Variants in DACH1 observed in about 807,000 individuals in gnomAD.
The protein encoded by DACH1 is dachshund family transcription factor 1, also known as dachshund homolog 1.
DACH1 carries 12 observed loss-of-function variants against 54.2 expected under a neutral mutation model. The observed-to-expected ratio is 0.22, with a 90% CI of 0.14 to 0.36. DACH1 has a LOEUF of 0.36. Among genes scored for constraint, DACH1 ranks in the 10% least tolerant of loss-of-function variants. DACH1 has a pLI of 1.00. For synonymous variants in DACH1, 386 were observed against 366.2 expected (o/e 1.05, Z -0.62); for missense variants, 805 against 929.8 (o/e 0.87, Z 1.75).
intron 6 of DACH1, among the ~76,000 whole-genome samples, chr13:71,530,237 C>T (rs1882322379): frequency 6.6e-6 from 1 of 152,084 alleles, no homozygotes; most frequent in Non-Finnish European, 1.5e-5. Context: ...CATGGAACCA[C>T]AAATAAGGCT....
chr13:71,553,093 T>A (rs555376613), intron 6 of DACH1, among the ~76,000 whole-genome samples: 1 of 143,936 alleles, frequency 6.9e-6, no homozygotes, highest in African/African-American at 2.6e-5. Flanking sequence ...TAGACATATA[T>A]CCATATATGT....
At chr13:71,862,170 G>A (rs571459547) in intron 1 of DACH1, among the ~76,000 whole-genome samples, 166 of 151,976 alleles carry the variant, frequency 1.1e-3, no homozygotes, top group Middle Eastern at 3.4e-3. Flanking sequence ...TTGTTTGAAA[G>A]ATCCTGAGAA....
intron 3 of DACH1, among the ~76,000 whole-genome samples, chr13:71,591,020 A>G (rs1873675575): frequency 6.6e-6 from 1 of 151,266 alleles, no homozygotes; most frequent in African/African-American, 2.4e-5. Flanking sequence ...CTGGGATTAC[A>G]GCCATGCACC....
chr13:71,594,270 C>T (rs1450305359), intron 3 of DACH1, among the ~76,000 whole-genome samples: 1 of 151,646 alleles, frequency 6.6e-6, no homozygotes, highest in East Asian at 1.9e-4. Context: ...GGTAACAAAT[C>T]TAGGAATATA....
chr13:71,669,204 T>C (rs746211019), intron 2 of DACH1, among the ~76,000 whole-genome samples: 4 of 152,152 alleles, frequency 2.6e-5, no homozygotes, highest in Non-Finnish European at 2.9e-5. Flanking sequence ...GTATGGGTCC[T>C]TGACCTGTTA....
intron 1 of DACH1, among the ~76,000 whole-genome samples, chr13:71,754,403 T>G (rs879733635): frequency 1.3e-5 from 2 of 152,234 alleles, no homozygotes; most frequent in Non-Finnish European, 1.5e-5. Flanking sequence ...TACTATGGTA[T>G]GTACAGTCTT....
intron 1 of DACH1, among the ~76,000 whole-genome samples, chr13:71,788,425 C>T (rs2138085988): frequency 1.3e-5 from 2 of 152,128 alleles, no homozygotes; most frequent in South Asian, 4.1e-4. Context: ...ATATACATTT[C>T]TGTGTATGTC....
intron 6 of DACH1, among the ~76,000 whole-genome samples, chr13:71,509,765 A>G (rs1234993877): frequency 1.3e-5 from 2 of 152,112 alleles, no homozygotes; most frequent in Admixed American, 6.6e-5. Flanking sequence ...AATAGTTCTA[A>G]TTGCATATAG....
In DACH1 at chr13:71,765,239, T is replaced by A. The variant is rs544528696; in HGVS notation, c.849-83329A>T. 9.8e-5 allele frequency among the ~76,000 whole-genome samples: 15 copies of A among 152,304 alleles called. No individual in the cohort carries two copies. The South Asian group carries it at 2.1e-3, about 21-fold the overall frequency. On this transcript the variant is annotated intron_variant, in intron 1 of 10. Transcript: ENST00000613252. ...ATACAAACCAGGCATTTGGAAGACATTAACTTATGATTTCACCTGTTCCAT... is the reference window on the plus strand; with the variant it reads ...ATACAAACCAGGCATTTGGAAGACAATAACTTATGATTTCACCTGTTCCAT...
At chr13:71,525,983 T>C (rs1881927154) in intron 6 of DACH1, among the ~76,000 whole-genome samples, 3 of 152,138 alleles carry the variant, frequency 2.0e-5, no homozygotes. Context: ...TTAGAAGCTC[T>C]AACCTTAAAG....
At chr13:71,565,132 G>A (rs184421544) in intron 4 of DACH1, among the ~76,000 whole-genome samples, 26 of 152,130 alleles carry the variant, frequency 1.7e-4, no homozygotes, top group East Asian at 1.2e-3. Context: ...ATGTCGGTCA[G>A]GCTGGTCTAA....
At chr13:71,669,172 C>A (rs917648361) in intron 2 of DACH1, among the ~76,000 whole-genome samples, 2 of 152,022 alleles carry the variant, frequency 1.3e-5, no homozygotes, top group African/African-American at 2.4e-5. Context: ...TCAGGGGTAC[C>A]CAAACTCCAG....
At chr13:71,586,715 G>A (rs1873306854) in intron 3 of DACH1, among the ~76,000 whole-genome samples, 2 of 151,930 alleles carry the variant, frequency 1.3e-5, no homozygotes, top group South Asian at 4.1e-4. Context: ...TATACATGCA[G>A]AAAGTACTTA....
chr13:71,812,305 T>C (rs1450126978), intron 1 of DACH1, among the ~76,000 whole-genome samples: 1 of 152,230 alleles, frequency 6.6e-6, no homozygotes, highest in Non-Finnish European at 1.5e-5. Flanking sequence ...CATTCTGATA[T>C]GTTTTATTTT....
At chr13:71,804,479 T>C (rs2096609995) in intron 1 of DACH1, among the ~76,000 whole-genome samples, 1 of 152,172 alleles carries the variant, frequency 6.6e-6, no homozygotes, top group Non-Finnish European at 1.5e-5. Flanking sequence ...TTCACCTCCC[T>C]ACATCTTTAG....
chr13:71,519,232 T>C (rs1360756439), intron 6 of DACH1, among the ~76,000 whole-genome samples: 1 of 151,904 alleles, frequency 6.6e-6, no homozygotes, highest in Non-Finnish European at 1.5e-5. Context: ...ATAACAAATG[T>C]ATAGTGTATC....
At chr13:71,824,840 A>G (rs1343784776) in intron 1 of DACH1, among the ~76,000 whole-genome samples, 2 of 152,082 alleles carry the variant, frequency 1.3e-5, no homozygotes, top group Non-Finnish European at 2.9e-5. Flanking sequence ...TCCAAACACA[A>G]TCATTGACTT....
chr13:71,657,613 CA>C (rs1879208992), intron 2 of DACH1, among the ~76,000 whole-genome samples: 1 of 146,570 alleles, frequency 6.8e-6, no homozygotes, highest in Admixed American at 6.8e-5. Context: ...TATTCTTTTT[CA>C]CAATTTCGTC....
At chr13:71,464,635 CAATT>C (rs768172976) in intron 10 of DACH1, 2 of 448,260 alleles carry the variant, frequency 4.5e-6, no homozygotes, top group Non-Finnish European at 8.9e-6. Flanking sequence ...TTTATGAAGA[CAATT>C]AAGGGAACCA....
Sources: allele counts gnomAD v4.1 joint callset (sites outside exome capture counted in the v4.1 genomes callset), GRCh38; gene constraint gnomAD v4.1.1; transcripts MANE v1.5; gene names NCBI Gene and HGNC (gene_info 2026-07-23, HGNC 2026-07-21).